Variants in DLGAP2 observed in about 807,000 individuals in gnomAD.
DLGAP2 encodes the protein DLG associated protein 2.
In DLGAP2, 26 loss-of-function variants were observed where a neutral mutation model predicts 100.3. That is an observed-to-expected ratio of 0.26 (90% CI 0.19 to 0.36). DLGAP2 has a LOEUF of 0.36. Among genes scored for constraint, DLGAP2 ranks in the 10% least tolerant of loss-of-function variants. The pLI, the probability that DLGAP2 is intolerant of heterozygous loss-of-function variation, is 1.00. For missense variants in DLGAP2, 1,858 were observed against 1,453.2 expected (o/e 1.28, Z -4.53); for synonymous variants, 886 against 630.1 (o/e 1.41, Z -6.08).
chr8:1,563,864 A>G (rs533147383), intron 5 of DLGAP2, among the ~76,000 whole-genome samples: 1 of 152,288 alleles, frequency 6.6e-6, no homozygotes, highest in South Asian at 2.1e-4. Flanking sequence ...CAATATGGAC[A>G]CTGGAAAGAT....
At chr8:1,522,097 G>C (rs1264421067) in intron 4 of DLGAP2, among the ~76,000 whole-genome samples, 2 of 152,046 alleles carry the variant, frequency 1.3e-5, no homozygotes, top group Non-Finnish European at 2.9e-5. Flanking sequence ...GGTGTCTCTG[G>C]TTTGCACACT....
intron 2 of DLGAP2, among the ~76,000 whole-genome samples, chr8:1,039,799 G>A (rs1329692150): frequency 5.5e-5 from 8 of 145,386 alleles, no homozygotes; most frequent in Admixed American, 1.4e-4. Flanking sequence ...TGTTCAGCTC[G>A]GTTTCCGTGG....
intron 3 of DLGAP2, among the ~76,000 whole-genome samples, chr8:1,318,087 G>C (rs139318768): frequency 7.5e-5 from 4 of 53,222 alleles, no homozygotes; most frequent in East Asian, 1.0e-3. Flanking sequence ...AAAATAGAGC[G>C]TGTGCGAGTG....
chr8:1,425,691 C>T (rs1379803065), intron 3 of DLGAP2, among the ~76,000 whole-genome samples: 1 of 152,204 alleles, frequency 6.6e-6, no homozygotes, highest in Admixed American at 6.5e-5. Flanking sequence ...GATGAGGCTC[C>T]TGTCCTGTAG....
At chr8:937,398 A>T (rs544917837) in intron 2 of DLGAP2, among the ~76,000 whole-genome samples, 4 of 152,284 alleles carry the variant, frequency 2.6e-5, no homozygotes, top group East Asian at 1.9e-4. Flanking sequence ...CTCCAAAAAA[A>T]TTTTTTTAAG....
chr8:1,681,397 C>G (rs889244385), intron 12 of DLGAP2, among the ~76,000 whole-genome samples: 1 of 152,160 alleles, frequency 6.6e-6, no homozygotes, highest in East Asian at 1.9e-4. Context: ...CTTTGTGAGG[C>G]TGAGGCGGGA....
intron 1 of DLGAP2, among the ~76,000 whole-genome samples, chr8:782,105 A>C (rs892850609): frequency 1.3e-5 from 2 of 152,184 alleles, no homozygotes; most frequent in South Asian, 4.1e-4. Context: ...GAAAAGATGA[A>C]TGAGGTGAAA....
intron 3 of DLGAP2, among the ~76,000 whole-genome samples, chr8:1,479,955 T>C (rs1799043558): frequency 6.6e-6 from 1 of 152,188 alleles, no homozygotes. Context: ...GTGACTTTTG[T>C]TTTTCATGAG....
chr8:1,387,977 G>A (rs1057347878), intron 3 of DLGAP2, among the ~76,000 whole-genome samples: 16 of 152,358 alleles, frequency 1.1e-4, no homozygotes, highest in Non-Finnish European at 1.5e-4. Flanking sequence ...GGTCCCCAGC[G>A]CGTGAGCAAA....
intron 4 of DLGAP2, among the ~76,000 whole-genome samples, chr8:1,519,163 T>C (rs1476184151): frequency 6.6e-6 from 1 of 152,064 alleles, no homozygotes; most frequent in Non-Finnish European, 1.5e-5. Context: ...TCAGCTGCAA[T>C]TGGGAAGAAA....
intron 3 of DLGAP2, among the ~76,000 whole-genome samples, chr8:1,359,697 G>A (rs1801935287): frequency 6.6e-6 from 1 of 152,238 alleles, no homozygotes; most frequent in African/African-American, 2.4e-5. Flanking sequence ...GTAGACGCTG[G>A]CCTCAGCTCT....
At chr8:1,576,443 C>G (rs1246243052) in intron 6 of DLGAP2, among the ~76,000 whole-genome samples, 3 of 152,142 alleles carry the variant, frequency 2.0e-5, no homozygotes, top group Non-Finnish European at 2.9e-5. Context: ...ATAGTAGTTT[C>G]TTTTGCTGTT....
At position 954,964 on chromosome 8, in the gene DLGAP2, C is replaced by G. The variant is rs371336127; in HGVS notation, c.73+46998C>G. Among the ~76,000 whole-genome samples, 3 of 152,218 alleles carry G rather than the reference C, an allele frequency of 2.0e-5. No individual in the cohort carries two copies. The East Asian group carries it at 5.8e-4, about 29-fold the overall frequency. On this transcript the variant is annotated intron_variant, in intron 2 of 14. Transcript: ENST00000637795. ...TGGTCATCAGTTGTTCCCTAACTGC[C>G]TAGAAGAGAACGAGGATTTTTAAAA...
intron 1 of DLGAP2, among the ~76,000 whole-genome samples, chr8:762,960 A>T (rs1249776831): frequency 6.6e-6 from 1 of 152,176 alleles, no homozygotes; most frequent in Non-Finnish European, 1.5e-5. Flanking sequence ...TACAGGCGTG[A>T]GCCACTGCGC....
intron 6 of DLGAP2, among the ~76,000 whole-genome samples, chr8:1,591,955 T>G (rs1285069773): frequency 6.6e-6 from 1 of 152,186 alleles, no homozygotes; most frequent in East Asian, 1.9e-4. Flanking sequence ...GGAGGTGGCA[T>G]GCAGACAGGC....
At chr8:1,182,162 C>G (rs1013128138) in intron 2 of DLGAP2, among the ~76,000 whole-genome samples, 10 of 152,260 alleles carry the variant, frequency 6.6e-5, no homozygotes, top group Non-Finnish European at 1.3e-4. Context: ...GTGGCTGCCA[C>G]TTCGTTTGCA....
chr8:1,130,666 C>T (rs1796273093), intron 2 of DLGAP2, among the ~76,000 whole-genome samples: 1 of 152,260 alleles, frequency 6.6e-6, no homozygotes. Context: ...ACAGCAGCAT[C>T]TTCGTAACCA....
intron 3 of DLGAP2, among the ~76,000 whole-genome samples, chr8:1,337,263 T>C (rs898565542): frequency 3.0e-5 from 4 of 135,512 alleles, no homozygotes; most frequent in Non-Finnish European, 6.3e-5. Context: ...ATGGTGGTGA[T>C]GATGAGGATG....
At chr8:863,734 G>A (rs183350915) in intron 1 of DLGAP2, among the ~76,000 whole-genome samples, 9 of 152,342 alleles carry the variant, frequency 5.9e-5, no homozygotes, top group African/African-American at 1.9e-4. Flanking sequence ...GCAGATGCCA[G>A]TGCGGATGTG....
Sources: gnomAD v4.1 joint callset for allele counts (sites outside exome capture counted in the v4.1 genomes callset) on GRCh38, gnomAD v4.1.1 for gene constraint, MANE v1.5 for transcripts, NCBI Gene and HGNC (gene_info 2026-07-23, HGNC 2026-07-21) for gene names.